Variants in C16orf96 observed in about 807,000 individuals in gnomAD.
C16orf96 encodes the protein uncharacterized protein C16orf96.
C16orf96 carries 108 observed loss-of-function variants against 103.6 expected under a neutral mutation model. The ratio of observed to expected loss-of-function variants is 1.04; its 90% CI spans 0.89 to 1.22. The LOEUF is 1.22. Ranked by LOEUF, C16orf96 falls within the 50% of genes most tolerant of loss-of-function variation. The pLI is 0.00. For synonymous variants in C16orf96, 566 were observed against 593.5 expected, an observed-to-expected ratio of 0.95 and a Z score of 0.67; for missense variants, 1,586 against 1,464.2, an observed-to-expected ratio of 1.08 and a Z score of -1.36.
In C16orf96 at chr16:4,576,495, AG is replaced by A; in HGVS notation, c.2017del (p.Ala673ProfsTer2). 3 of 1,551,526 alleles carry A rather than the reference AG, an allele frequency of 1.9e-6. No individual in the cohort carries two copies. The highest frequency in any genetic ancestry group is 2.6e-6 in the Non-Finnish European group (3 of 1,147,016). On this transcript the variant is annotated frameshift_variant, in exon 5 of 16. Coordinates refer to ENST00000444310, the MANE Select transcript of C16orf96 (RefSeq NM_001145011.2). LOFTEE classifies it high-confidence loss of function. Reference protein sequence around the residue: ...ALSQAMVATKQAMSPEDKKRA... With the variant: ...ALSQAMVATKXAMSPEDKKRA... ...TCCCAGGCCATGGTGGCTACCAAGC[AG>A]GCCATGAGCCCTGAAGACAAGAAGA...
At position 4,576,354 on chromosome 16, in the gene C16orf96, G is replaced by A. The variant is rs971978180; in HGVS notation, c.1874G>A (p.Gly625Asp). 72 of 1,550,776 alleles carry A rather than the reference G, an allele frequency of 4.6e-5. No individual in the cohort carries two copies. Among genetic ancestry groups the A allele is most frequent in the Non-Finnish European group, 6.0e-5 (69 of 1,147,004 alleles). ...CTAGGGGTCTTTGCAGATGTCCTGG[G>A]TGCAGGGCCTTCCCGGGGAGCCACA... ...GPLGVFADVL[G>D]AGPSRGATES... is the part of the protein sequence containing the mutation. The change falls in exon 5 of 16, where the codon GGT becomes GAT. Residue 625 changes from glycine to aspartate, a missense_variant. Coordinates refer to ENST00000444310, the MANE Select transcript of C16orf96 (RefSeq NM_001145011.2).
chr16:4,579,519 A>C (rs2059556164), intron 6 of C16orf96, among the ~76,000 whole-genome samples: 2 of 133,394 alleles, frequency 1.5e-5, no homozygotes, highest in African/African-American at 5.7e-5. Context: ...ACGCCGCTGC[A>C]CTCTAGCCTG....
Position 4,577,685 on chromosome 16 carries a change from G to C in C16orf96, c.2155+1050G>C, listed in dbSNP as rs752372178. 5.2e-4 allele frequency among the ~76,000 whole-genome samples: 79 copies of C among 152,206 alleles called. 1 individual carries two copies. The highest frequency in any genetic ancestry group is 3.9e-3 in the Admixed American group (59 of 15,264). ...AAATTTTAAACATTGGCCGTGTGCG[G>C]TGGCTCACGCCTGTAATCCCAGTCC... On this transcript the variant is annotated intron_variant, in intron 5 of 15. Coordinates refer to ENST00000444310, the MANE Select transcript of C16orf96 (RefSeq NM_001145011.2).
chr16:4,594,688 C>A lies in C16orf96; in HGVS notation c.3028-16C>A, dbSNP rs1427954580. ...GGTCGGGGGCTCCCTAACCCGGGACCTGGGCCATCCAACAGGCCGAGGTGG... is the reference window on the plus strand; with the variant it reads ...GGTCGGGGGCTCCCTAACCCGGGACATGGGCCATCCAACAGGCCGAGGTGG... On this transcript the variant is annotated splice_polypyrimidine_tract_variant and intron_variant, in intron 13 of 15. Transcript: ENST00000444310. The A allele has an allele frequency of 5.2e-6, 8 of 1,551,030 alleles. No homozygotes were observed. The highest frequency in any genetic ancestry group is 3.6e-5 in the South Asian group (3 of 84,052).
chr16:4,597,218 G>C (rs114577582), intron 14 of C16orf96, among the ~76,000 whole-genome samples: 1,635 of 152,266 alleles, frequency 0.011, 35 homozygotes, highest in African/African-American at 0.037. Flanking sequence ...CCTGGTATCT[G>C]CTGGGAGGGC....
intron 1 of C16orf96, among the ~76,000 whole-genome samples, chr16:4,564,952 T>C (rs966251953): frequency 2.8e-4 from 43 of 152,322 alleles, no homozygotes; most frequent in Admixed American, 1.8e-3. Flanking sequence ...TCAGATGTCA[T>C]TGGTGTCACC....
intron 1 of C16orf96, among the ~76,000 whole-genome samples, chr16:4,564,600 C>G (rs1469253167): frequency 6.6e-6 from 1 of 152,168 alleles, no homozygotes; most frequent in African/African-American, 2.4e-5. Flanking sequence ...CACCTGAGCT[C>G]AGGAGTTCCA....
intron 1 of C16orf96, chr16:4,562,668 T>C: frequency 2.6e-6 from 1 of 378,064 alleles, no homozygotes; most frequent in Non-Finnish European, 4.8e-6. Flanking sequence ...ATAATGCACA[T>C]ATAAAAAAAG....
chr16:4,541,137 C>G, the C16orf96 span, among the ~76,000 whole-genome samples: 1 of 152,078 alleles, frequency 6.6e-6, no homozygotes, highest in Admixed American at 6.5e-5. Context: ...TGGTGTCGAT[C>G]TCCTCACCTC....
chr16:4,579,852 C>T (rs2059562297), intron 6 of C16orf96, among the ~76,000 whole-genome samples, 163 bp from the exon 7 acceptor site: 1 of 152,114 alleles, frequency 6.6e-6, no homozygotes, highest in Non-Finnish European at 1.5e-5. Context: ...CTCAGTTGAT[C>T]TACCCATCTT....
At chr16:4,569,699 CAA>C (rs5815209) in intron 1 of C16orf96, among the ~76,000 whole-genome samples, 15 of 129,408 alleles carry the variant, frequency 1.2e-4, no homozygotes, top group Non-Finnish European at 9.6e-5. Flanking sequence ...GACTCTGTCT[CAA>C]AAAAAAAAAA....
chr16:4,563,231 T>G, intron 1 of C16orf96: 1 of 535,906 alleles, frequency 1.9e-6, no homozygotes, highest in Non-Finnish European at 3.6e-6. Context: ...ACCCTCTTGC[T>G]CGTTCGCTCA....
chr16:4,570,226 G>C (rs2059423185), intron 1 of C16orf96, among the ~76,000 whole-genome samples: 1 of 152,138 alleles, frequency 6.6e-6, no homozygotes, highest in Non-Finnish European at 1.5e-5. Context: ...TGATAATTCG[G>C]AATAAATTCA....
Position 4,556,825 on chromosome 16 carries a change from G to A in C16orf96, c.336G>A (p.Gln112=). Residue 112 remains glutamine, a synonymous_variant, in exon 1 of 16, where the codon CAG becomes CAA. Transcript: ENST00000444310. ...PSTAQLLEAS[Q]GTARPVQDLW... ...CTGCCCAGCTGCTGGAAGCCAGCCAGGGCACTGCCCGGCCCGTCCAGGACC... is the reference window on the plus strand; with the variant it reads ...CTGCCCAGCTGCTGGAAGCCAGCCAAGGCACTGCCCGGCCCGTCCAGGACC... 6.4e-7 allele frequency: 1 copy of A among 1,551,660 alleles called. No individual in the cohort carries two copies. The highest frequency in any genetic ancestry group is 8.7e-7 in the Non-Finnish European group (1 of 1,147,008).
chr16:4,595,854 G>A (rs1028817090), intron 14 of C16orf96, among the ~76,000 whole-genome samples: 2 of 151,902 alleles, frequency 1.3e-5, no homozygotes, highest in Non-Finnish European at 2.9e-5. Context: ...TAACAGGCAC[G>A]CACCACCACG....
At chr16:4,574,898 A>G (rs2059481532) in intron 3 of C16orf96, 74 bp from the exon 4 acceptor site, 1 of 1,526,030 alleles carries the variant, frequency 6.6e-7, no homozygotes, top group African/African-American at 1.4e-5. Flanking sequence ...CAGCCTGGAA[A>G]GGTTTCTTTG....
At chr16:4,571,532 G>A in intron 1 of C16orf96, 29 bp from the exon 2 acceptor site, 3 of 1,539,308 alleles carry the variant, frequency 1.9e-6, no homozygotes, top group Non-Finnish European at 2.6e-6. Context: ...GCCATACCCG[G>A]CTTCACATTT....
chr16:4,575,767 G>A lies in C16orf96; in HGVS notation c.1287G>A (p.Glu429=). The part of the protein sequence containing the change: ...QPSRAPPPAT[E]FGSLWPRPLQ... ...CCAGGGCCCCACCACCAGCCACTGA[G>A]TTTGGCTCATTGTGGCCTCGACCAC... Residue 429 remains glutamate, a synonymous_variant, in exon 5 of 16, where the codon GAG becomes GAA. Coordinates refer to ENST00000444310, the MANE Select transcript of C16orf96 (RefSeq NM_001145011.2). 6.5e-7 allele frequency: 1 copy of A among 1,549,858 alleles called. No homozygotes were observed. Among genetic ancestry groups the A allele is most frequent in the Non-Finnish European group, 8.7e-7 (1 of 1,146,550 alleles).
Position 4,593,316 on chromosome 16 carries a change from G to A in C16orf96, c.2867G>A (p.Arg956Lys), listed in dbSNP as rs1567457283. 1 of 1,550,472 alleles carries A rather than the reference G, an allele frequency of 6.4e-7. No homozygotes were observed. Among genetic ancestry groups the A allele is most frequent in the Non-Finnish European group, 8.7e-7 (1 of 1,146,756 alleles). The change falls in exon 12 of 16, where the codon AGG becomes AAG. Residue 956 changes from arginine (R) to lysine (K), a missense_variant and splice_region_variant. By Grantham distance (26) the Arg-to-Lys change is conservative (BLOSUM62 2). Transcript: ENST00000444310. This position sits in a 1 kb window ranked among gnomAD's most constrained non-coding sequence, Gnocchi z 4.2. Reference sequence around the variant, plus strand: ...GAGTACTTGCAGCGGCAACAGATGAGGTGAGCAGGATGGGCGCCCCGCAGG... The same window carrying A: ...GAGTACTTGCAGCGGCAACAGATGAAGTGAGCAGGATGGGCGCCCCGCAGG... Reference protein sequence around the residue: ...SCEYLQRQQMREQQWLQLQDL... With the variant: ...SCEYLQRQQMKEQQWLQLQDL...
Sources: allele counts gnomAD v4.1 joint callset (sites outside exome capture counted in the v4.1 genomes callset), GRCh38; gene constraint gnomAD v4.1.1; non-coding constraint Gnocchi (gnomAD v3.1); transcripts MANE v1.5; gene names NCBI Gene and HGNC (gene_info 2026-07-23, HGNC 2026-07-21).